HS6ST3: variants seen among roughly 807,000 people sequenced by gnomAD.
HS6ST3 encodes the protein heparan-sulfate 6-O-sulfotransferase 3.
In HS6ST3, 12 loss-of-function variants were observed where a neutral mutation model predicts 36.7. That is an observed-to-expected ratio of 0.33 (90% CI 0.21 to 0.53). The LOEUF (loss-of-function observed/expected upper bound fraction) is 0.53, where lower values mean the gene tolerates loss of function less well. Ranked by LOEUF, HS6ST3 falls within the 20% of genes least tolerant of loss-of-function variation. The pLI is 0.95. For missense variants in HS6ST3, 584 were observed against 640.9 expected (o/e 0.91, Z 0.96); for synonymous variants, 240 against 257.5 (o/e 0.93, Z 0.65).
At chr13:96,742,772 A>C (rs964801910) in intron 1 of HS6ST3, among the ~76,000 whole-genome samples, 2 of 152,100 alleles carry the variant, frequency 1.3e-5, no homozygotes, top group Non-Finnish European at 2.9e-5. Flanking sequence ...TCATTTTTGT[A>C]TTAAAATGCT....
intron 1 of HS6ST3, among the ~76,000 whole-genome samples, chr13:96,565,327 C>A (rs2056277162): frequency 6.6e-6 from 1 of 151,962 alleles, no homozygotes; most frequent in Admixed American, 6.6e-5. Flanking sequence ...AGGAGTGATC[C>A]AGTTTGCTCC....
intron 1 of HS6ST3, among the ~76,000 whole-genome samples, chr13:96,497,766 C>G (rs1180979440): frequency 6.6e-6 from 1 of 152,196 alleles, no homozygotes; most frequent in Non-Finnish European, 1.5e-5. Flanking sequence ...ACTTCTCCAG[C>G]CCTATATCAT....
chr13:96,836,513 G>A lies in HS6ST3; in HGVS notation c.*3315G>A, dbSNP rs1329394764. On this transcript the variant is annotated 3_prime_UTR_variant, in exon 2 of 2. Transcript: ENST00000376705. ...GTTAGACAACAGTGAGGCATATCAT[G>A]TGTTTTTATTAAAAATGATAAAGAT... is the stretch of plus-strand genomic sequence containing the variant. 6.6e-6 allele frequency: 1 copy of A among 152,152 alleles called. No individual in the cohort carries two copies. Among genetic ancestry groups the A allele is most frequent in the Non-Finnish European group, 1.5e-5 (1 of 68,038 alleles). 9.4% of individuals were successfully genotyped at this position (152,152 alleles called of 1,614,324 possible).
At chr13:96,656,730 T>C (rs1437907324) in intron 1 of HS6ST3, among the ~76,000 whole-genome samples, 2 of 152,120 alleles carry the variant, frequency 1.3e-5, no homozygotes, top group Non-Finnish European at 2.9e-5. Context: ...GTGGAATCCT[T>C]CAATGAATTG....
intron 1 of HS6ST3, among the ~76,000 whole-genome samples, chr13:96,666,387 T>C (rs1382890393): frequency 6.6e-6 from 1 of 152,188 alleles, no homozygotes; most frequent in African/African-American, 2.4e-5. Flanking sequence ...TCTTTTCTTC[T>C]ATCCCTTTAT....
At chr13:96,234,407 A>C (rs146353986) in intron 1 of HS6ST3, among the ~76,000 whole-genome samples, 4 of 152,132 alleles carry the variant, frequency 2.6e-5, no homozygotes, top group African/African-American at 7.2e-5. Flanking sequence ...AAAAAAACCA[A>C]AAAACAAAAA....
intron 1 of HS6ST3, among the ~76,000 whole-genome samples, chr13:96,751,040 T>C (rs756188139): frequency 3.9e-4 from 59 of 152,182 alleles, no homozygotes; most frequent in Non-Finnish European, 3.7e-4. Context: ...TATCTACATA[T>C]TTGCATTAAG....
chr13:96,511,653 A>C (rs1382805999), intron 1 of HS6ST3, among the ~76,000 whole-genome samples: 1 of 151,144 alleles, frequency 6.6e-6, no homozygotes, highest in African/African-American at 2.4e-5. Flanking sequence ...TAGATTGTGA[A>C]CATCTCCCGA....
At chr13:96,799,893 A>C (rs956683864) in intron 1 of HS6ST3, among the ~76,000 whole-genome samples, 2 of 148,320 alleles carry the variant, frequency 1.3e-5, no homozygotes, top group African/African-American at 5.0e-5. Context: ...TACAACTCCC[A>C]AAACCCTGGA....
chr13:96,502,356 G>A (rs1395758137), intron 1 of HS6ST3, among the ~76,000 whole-genome samples: 2 of 105,262 alleles, frequency 1.9e-5, no homozygotes, highest in East Asian at 5.2e-4. Flanking sequence ...GTCTCTTCAC[G>A]GGCTTTTTTT....
intron 1 of HS6ST3, among the ~76,000 whole-genome samples, chr13:96,252,907 C>T (rs1298198800): frequency 6.6e-6 from 1 of 152,088 alleles, no homozygotes; most frequent in Non-Finnish European, 1.5e-5. Context: ...GATGCTGGCA[C>T]TATGTTTCCT....
At chr13:96,746,681 T>C (rs1334211637) in intron 1 of HS6ST3, among the ~76,000 whole-genome samples, 2 of 152,106 alleles carry the variant, frequency 1.3e-5, no homozygotes, top group Non-Finnish European at 2.9e-5. Context: ...GTTAAAGATA[T>C]AACATTTGAA....
intron 1 of HS6ST3, among the ~76,000 whole-genome samples, chr13:96,158,806 C>G (rs1468137834): frequency 6.6e-6 from 1 of 151,666 alleles, no homozygotes; most frequent in East Asian, 1.9e-4. Context: ...AGGGAGAGAC[C>G]AAGTAGAAGG....
At chr13:96,514,512 T>G (rs1404260096) in intron 1 of HS6ST3, among the ~76,000 whole-genome samples, 1 of 152,100 alleles carries the variant, frequency 6.6e-6, no homozygotes, top group Non-Finnish European at 1.5e-5. Context: ...TAATTAAGGT[T>G]GGATGAGGTC....
chr13:96,694,659 T>C lies in HS6ST3; in HGVS notation c.708-137831T>C, dbSNP rs557291799. 2.0e-5 allele frequency among the ~76,000 whole-genome samples: 3 copies of C among 152,288 alleles called. No individual in the cohort carries two copies. The South Asian group carries it at 6.2e-4, about 32-fold the overall frequency. The stretch of plus-strand genomic sequence containing the variant: ...TGAACTCATTTACACTCCCAACAAG[T>C]GTATAAGTGTTCCTATTTCTCCATA... On this transcript the variant is annotated intron_variant, in intron 1 of 1. Coordinates refer to ENST00000376705, the MANE Select transcript of HS6ST3 (RefSeq NM_153456.4).
At chr13:96,213,005 T>A (rs1229630243) in intron 1 of HS6ST3, among the ~76,000 whole-genome samples, 1 of 152,222 alleles carries the variant, frequency 6.6e-6, no homozygotes, top group Non-Finnish European at 1.5e-5. Flanking sequence ...TAGGAAAATA[T>A]TGATTTTTCT....
chr13:96,795,642 A>G (rs186427700), intron 1 of HS6ST3, among the ~76,000 whole-genome samples: 55 of 152,240 alleles, frequency 3.6e-4, no homozygotes, highest in African/African-American at 1.1e-3. Context: ...ATGTTGAAAG[A>G]TTGTTCTCTT....
At chr13:96,387,621 T>G (rs2055374867) in intron 1 of HS6ST3, among the ~76,000 whole-genome samples, 1 of 152,182 alleles carries the variant, frequency 6.6e-6, no homozygotes, top group Non-Finnish European at 1.5e-5. Context: ...AGCTTTTAAA[T>G]TTTGCTTTGT....
At chr13:96,112,935 A>T (rs1286027182) in intron 1 of HS6ST3, among the ~76,000 whole-genome samples, 2 of 152,026 alleles carry the variant, frequency 1.3e-5, no homozygotes, top group African/African-American at 4.8e-5. Flanking sequence ...TTAGTCAGGG[A>T]TGCAGGGTTT....
Sources: gnomAD v4.1 joint callset for allele counts (sites outside exome capture counted in the v4.1 genomes callset) on GRCh38, gnomAD v4.1.1 for gene constraint, MANE v1.5 for transcripts, NCBI Gene and HGNC (gene_info 2026-07-23, HGNC 2026-07-21) for gene names.